CNTLN: variants seen among roughly 807,000 people sequenced by gnomAD.
CNTLN encodes the protein centlein.
A neutral mutation model predicts 180.0 loss-of-function variants in CNTLN; 212 were observed. The ratio of observed to expected loss-of-function variants is 1.18; its 90% CI spans 1.05 to 1.32. CNTLN has a LOEUF of 1.32. Ranked by LOEUF, CNTLN falls within the 40% of genes most tolerant of loss-of-function variation. CNTLN has a pLI of 0.00. For missense variants in CNTLN, 2,095 were observed against 1,610.9 expected (o/e 1.30, Z -5.14); for synonymous variants, 722 against 563.1 (o/e 1.28, Z -3.99).
At chr9:17,490,477 G>A (rs1174177202) in intron 25 of CNTLN, among the ~76,000 whole-genome samples, 1 of 152,018 alleles carries the variant, frequency 6.6e-6, no homozygotes, top group East Asian at 1.9e-4. Flanking sequence ...AACAAAAGAA[G>A]TAAAGCCAGG....
At chr9:17,143,255 C>T (rs765668034) in intron 1 of CNTLN, 33 bp from the exon 2 acceptor site, 2 of 1,455,828 alleles carry the variant, frequency 1.4e-6, no homozygotes, top group South Asian at 2.4e-5. Context: ...CACTACAAAG[C>T]AATGCATCTA....
chr9:17,506,496 A>G (rs1022715), downstream of CNTLN, among the ~76,000 whole-genome samples: 143,815 of 152,196 alleles, frequency 0.94, 68,197 homozygotes, highest in Middle Eastern at 1. Context: ...GAAAGTTGTC[A>G]TGTTTATGTG....
chr9:17,239,943 G>C (rs1003697352), intron 5 of CNTLN, among the ~76,000 whole-genome samples: 1 of 151,868 alleles, frequency 6.6e-6, no homozygotes, highest in African/African-American at 2.4e-5. Flanking sequence ...AGTTATTCTG[G>C]GTCTGTTGTA....
chr9:17,203,226 C>T (rs1352249492), intron 2 of CNTLN, among the ~76,000 whole-genome samples: 1 of 152,158 alleles, frequency 6.6e-6, no homozygotes, highest in African/African-American at 2.4e-5. Context: ...GATAGGCTGC[C>T]CTTTGTAGGT....
intron 10 of CNTLN, among the ~76,000 whole-genome samples, chr9:17,335,517 A>G (rs996857807): frequency 1.3e-5 from 2 of 152,182 alleles, no homozygotes; most frequent in East Asian, 1.9e-4. Context: ...CTGTGTTTCA[A>G]AAATTATTTA....
chr9:17,504,693 A>G (rs148260937), downstream of CNTLN, among the ~76,000 whole-genome samples: 88 of 152,280 alleles, frequency 5.8e-4, no homozygotes, highest in African/African-American at 9.4e-4. Context: ...AGAGGTAGAA[A>G]GAGAAATTTG....
chr9:17,526,955 G>C, the CNTLN span, among the ~76,000 whole-genome samples: 1 of 152,114 alleles, frequency 6.6e-6, no homozygotes, highest in Non-Finnish European at 1.5e-5. Context: ...TCAGCTCACT[G>C]CAACTTCCGC....
At chr9:17,519,244 GTT>G in the CNTLN span, among the ~76,000 whole-genome samples, 299 of 143,390 alleles carry the variant, frequency 2.1e-3, no homozygotes, top group East Asian at 3.2e-3. Flanking sequence ...AGATTTGAGT[GTT>G]TTTTTTTTTT....
intron 5 of CNTLN, among the ~76,000 whole-genome samples, chr9:17,263,710 T>C (rs1323938790): frequency 7.0e-6 from 1 of 143,864 alleles, no homozygotes; most frequent in Non-Finnish European, 1.5e-5. Flanking sequence ...CCCTGTTGTT[T>C]CCTGACTTTT....
At chr9:17,357,602 C>T (rs1208434381) in intron 12 of CNTLN, among the ~76,000 whole-genome samples, 61 of 140,992 alleles carry the variant, frequency 4.3e-4, no homozygotes, top group African/African-American at 1.2e-3. Flanking sequence ...ATAAATACTA[C>T]ATATATATAT....
chr9:17,500,363 G>C (rs956171165), intron 25 of CNTLN, among the ~76,000 whole-genome samples: 1 of 152,166 alleles, frequency 6.6e-6, no homozygotes, highest in African/African-American at 2.4e-5. Context: ...AAATTGTTCA[G>C]ATTACAAGAT....
At chr9:17,184,270 A>G (rs1821298114) in intron 2 of CNTLN, among the ~76,000 whole-genome samples, 1 of 152,128 alleles carries the variant, frequency 6.6e-6, no homozygotes, top group African/African-American at 2.4e-5. Flanking sequence ...AATTCTTGCT[A>G]TTTTGGAATT....
chr9:17,379,148 A>G (rs1442533), intron 13 of CNTLN, among the ~76,000 whole-genome samples: 63,991 of 151,720 alleles, frequency 0.42, 16,561 homozygotes, highest in Non-Finnish European at 0.57. Context: ...TGTTCACGTT[A>G]GTATAGCGTG....
At chr9:17,165,322 C>T (rs1002513724) in intron 2 of CNTLN, among the ~76,000 whole-genome samples, 5 of 152,102 alleles carry the variant, frequency 3.3e-5, no homozygotes, top group Non-Finnish European at 7.4e-5. Context: ...CCCCAAATCC[C>T]ACTAAAATGA....
intron 2 of CNTLN, among the ~76,000 whole-genome samples, chr9:17,217,679 A>G (rs1823854415): frequency 1.3e-5 from 2 of 152,230 alleles, no homozygotes; most frequent in Admixed American, 1.3e-4. Context: ...CAATCATGAA[A>G]GGCATATAAT....
At chr9:17,427,901 C>A (rs769562369) in intron 18 of CNTLN, among the ~76,000 whole-genome samples, 4 of 152,100 alleles carry the variant, frequency 2.6e-5, no homozygotes, top group Non-Finnish European at 4.4e-5. Context: ...CTTCTGTGTG[C>A]TAGGGTCCAT....
In CNTLN at chr9:17,409,408, G is replaced by C; in HGVS notation, c.2731G>C (p.Asp911His). The change falls in exon 16 of 26, where the codon GAC (aspartate) becomes CAC (histidine). Residue 911 changes from aspartate (D) to histidine (H), a missense_variant. Asp to His is a moderately conservative substitution (Grantham distance 81, BLOSUM62 -1). Transcript: ENST00000380647. ...KDQKESDPTEDSQTQGKEIVQ... is the reference protein window; with the variant it reads ...KDQKESDPTEHSQTQGKEIVQ... ...CCAGAAAGAAAGTGATCCAACAGAAGACAGCCAAACACAAGGAAAAGAAAT... is the reference window on the plus strand; with the variant it reads ...CCAGAAAGAAAGTGATCCAACAGAACACAGCCAAACACAAGGAAAAGAAAT... 1 of 1,613,312 alleles carries C rather than the reference G, an allele frequency of 6.2e-7. No individual in the cohort carries two copies. Among genetic ancestry groups the C allele is most frequent in the Non-Finnish European group, 8.5e-7 (1 of 1,179,640 alleles).
At chr9:17,422,273 C>A (rs979212431) in intron 18 of CNTLN, among the ~76,000 whole-genome samples, 1 of 151,926 alleles carries the variant, frequency 6.6e-6, no homozygotes, top group African/African-American at 2.4e-5. Flanking sequence ...CTCTTTTATA[C>A]GTTATTTATT....
chr9:17,203,474 T>G (rs149532250), intron 2 of CNTLN, among the ~76,000 whole-genome samples: 6 of 152,290 alleles, frequency 3.9e-5, no homozygotes, highest in African/African-American at 1.4e-4. Flanking sequence ...CACCAATCAT[T>G]CGTAGGTTTG....
Sources: allele counts gnomAD v4.1 joint callset (sites outside exome capture counted in the v4.1 genomes callset), GRCh38; gene constraint gnomAD v4.1.1; transcripts MANE v1.5; gene names NCBI Gene and HGNC (gene_info 2026-07-23, HGNC 2026-07-21).